The following AP4M1 variants were observed in gnomAD, a reference collection of about 807,000 sequenced individuals.
AP4M1 encodes AP-4 complex subunit mu-1.
Under a neutral mutation model 62.4 loss-of-function variants are expected in AP4M1, and 58 were observed. The observed-to-expected ratio is 0.93, with a 90% CI of 0.75 to 1.16. The LOEUF is 1.16. Among genes scored for constraint, AP4M1 ranks in the 50% most tolerant of loss-of-function variants. The probability of loss-of-function intolerance (pLI) is 0.00; values close to 1 mark genes in which losing one functional copy is unlikely to be tolerated. For missense variants in AP4M1, 626 were observed against 585.4 expected, an observed-to-expected ratio of 1.07 and a Z score of -0.72; for synonymous variants, 290 against 239.7, an observed-to-expected ratio of 1.21 and a Z score of -1.94.
At position 100,108,956 on chromosome 7, in the gene AP4M1, G is replaced by A. The variant is rs553969369; in HGVS notation, c.*2074G>A. The A allele has an allele frequency of 5.4e-4, 85 of 157,300 alleles. No individual in the cohort carries two copies. Among genetic ancestry groups the A allele is most frequent in the Middle Eastern group, 3.3e-3 (1 of 306 alleles). 9.7% of individuals were successfully genotyped at this position (157,300 alleles called of 1,614,324 possible). A position where few individuals can be genotyped will look rare whatever the true frequency, so the allele number is the denominator to read the frequency against. ...CTAGAATGCTTGAACCCAGGTGGTG[G>A]AGGCTGCAGTGAGCAGAGGTTGCAT... On this transcript the variant is annotated 3_prime_UTR_variant, in exon 15 of 15. Coordinates refer to ENST00000359593, the MANE Select transcript of AP4M1 (RefSeq NM_004722.4).
In AP4M1 at chr7:100,103,661, G is replaced by GCCGCC. The variant is rs1562907245; in HGVS notation, c.516_520dup (p.Val174AlafsTer27). The GCCGCC allele has an allele frequency of 2.5e-6, 4 of 1,613,286 alleles. No individual in the cohort carries two copies. Among genetic ancestry groups the GCCGCC allele is most frequent in the South Asian group, 1.1e-5 (1 of 91,044 alleles). On this transcript the variant is annotated frameshift_variant, in exon 6 of 15. Coordinates refer to ENST00000359593, the MANE Select transcript of AP4M1 (RefSeq NM_004722.4). LOFTEE classifies it high-confidence loss of function. The stretch of plus-strand genomic sequence containing the variant: ...AAAGTGGCCCCCAGCAGTGCAGCCA[G>GCCGCC]CCGCCCCGTCCTGTCCAGTCGCTCT...
At position 100,101,837 on chromosome 7, in the gene AP4M1, G is replaced by A. The variant is rs751792695; in HGVS notation, c.59-43G>A. 3.7e-6 allele frequency: 6 copies of A among 1,612,254 alleles called. No homozygotes were observed. In the Admixed American group the frequency reaches 6.7e-5, roughly 18 times the overall value. On this transcript the variant is annotated intron_variant, in intron 1 of 14. Coordinates refer to ENST00000359593, the MANE Select transcript of AP4M1 (RefSeq NM_004722.4). Reference sequence around the variant, plus strand: ...CGGGCGGGAGGGGCGCCCAGGGCCAGCCTGTGTCGCAGGATCCTTCACTGA... The same window carrying A: ...CGGGCGGGAGGGGCGCCCAGGGCCAACCTGTGTCGCAGGATCCTTCACTGA...
In AP4M1 at chr7:100,103,534, AGAG is replaced by A. The variant is rs762221696; in HGVS notation, c.462+20_462+22del. On this transcript the variant is annotated intron_variant, in intron 5 of 14. Coordinates refer to ENST00000359593, the MANE Select transcript of AP4M1 (RefSeq NM_004722.4). The stretch of plus-strand genomic sequence containing the variant: ...GCGTTGGCTTGGTCAGTAGAGGGAA[AGAG>A]GAGGGTGAGGAAAGAGAAGAGGGGT... 1.2e-6 allele frequency: 2 copies of A among 1,614,050 alleles called. No individual in the cohort carries two copies. Among genetic ancestry groups the A allele is most frequent in the East Asian group, 4.5e-5 (2 of 44,880 alleles).
chr7:100,106,722 G>C lies in AP4M1; in HGVS notation c.1202G>C (p.Gly401Ala). The change falls in exon 15 of 15, where the codon GGG (glycine) becomes GCG (alanine). Residue 401 changes from glycine (G) to alanine (A), a missense_variant. Gly to Ala is a moderately conservative substitution (Grantham distance 60, BLOSUM62 0). Coordinates refer to ENST00000359593, the MANE Select transcript of AP4M1 (RefSeq NM_004722.4). ...CTCTCCACCTCGGCCTCTCCTCTGG[G>C]GCTGGGCCCTGCCAGTCTCTCCTTC... ...HGLSTSASPL[G>A]LGPASLSFEL... 1.2e-6 allele frequency: 2 copies of C among 1,613,796 alleles called. No individual in the cohort carries two copies. Among genetic ancestry groups the C allele is most frequent in the Non-Finnish European group, 1.7e-6 (2 of 1,180,038 alleles).
chr7:100,102,223 A>C, intron 2 of AP4M1: 2 of 614,836 alleles, frequency 3.3e-6, no homozygotes, highest in Non-Finnish European at 5.8e-6. Flanking sequence ...TCTACTAAAA[A>C]TACAAAAAAA....
At chr7:100,101,990 G>T in intron 2 of AP4M1, 22 bp downstream of exon 2, 1 of 1,612,598 alleles carries the variant, frequency 6.2e-7, no homozygotes, top group Non-Finnish European at 8.5e-7. Flanking sequence ...CGGGAGGCGG[G>T]TGAGGAGCGG....
At chr7:100,105,597 T>C in intron 11 of AP4M1, 58 bp downstream of exon 11, 1 of 1,503,452 alleles carries the variant, frequency 6.7e-7, no homozygotes, top group Non-Finnish European at 9.2e-7. Flanking sequence ...GACCTGTATG[T>C]TCCCAAGACT....
intron 13 of AP4M1, 51 bp downstream of exon 13, chr7:100,106,342 A>G (rs1334294697): frequency 6.2e-7 from 1 of 1,612,964 alleles, no homozygotes; most frequent in Admixed American, 1.7e-5. Context: ...GAGTGAGCTC[A>G]GCATGACGGG....
At position 100,103,568 on chromosome 7, in the gene AP4M1, G is replaced by A. The variant is rs759714881; in HGVS notation, c.463-44G>A. ...TGAGGAAAGAGAAGAGGGGTTGGCT[G>A]GGGTTGTCAGACCTGATGATTGATT... On this transcript the variant is annotated intron_variant, in intron 5 of 14. Transcript: ENST00000359593. The A allele has an allele frequency of 1.9e-6, 3 of 1,613,784 alleles. No individual in the cohort carries two copies. The African/African-American group carries it at 4.0e-5, about 22-fold the overall frequency.
In AP4M1 at chr7:100,106,227, C is replaced by T. The variant is rs370610939; in HGVS notation, c.975-14C>T. 1.2e-4 allele frequency: 190 copies of T among 1,614,048 alleles called. No individual in the cohort carries two copies. The Middle Eastern group carries it at 1.3e-3, about 11-fold the overall frequency. ...GCCTTCCTGGGGCTGACTTTGTTCC[C>T]GTCTCCTCTGTAGCCAAGCCCTCAA... On this transcript the variant is annotated splice_polypyrimidine_tract_variant and intron_variant, in intron 12 of 14. Coordinates refer to ENST00000359593, the MANE Select transcript of AP4M1 (RefSeq NM_004722.4).
rs779479560 is a variant in AP4M1 at position 100,107,430 on chromosome 7, C to T, written c.*548C>T. On this transcript the variant is annotated 3_prime_UTR_variant, in exon 15 of 15. Transcript: ENST00000359593. ...AGGATGGGAGGTGGGGCCTCCTTTGCCCTCCCCTGTTGGGGGAAGTGAGAC... is the reference window on the plus strand; with the variant it reads ...AGGATGGGAGGTGGGGCCTCCTTTGTCCTCCCCTGTTGGGGGAAGTGAGAC... The T allele has an allele frequency of 6.2e-7, 1 of 1,610,808 alleles. No individual in the cohort carries two copies. Among genetic ancestry groups the T allele is most frequent in the Non-Finnish European group, 8.5e-7 (1 of 1,177,746 alleles).
chr7:100,104,188 C>G (rs754725201), intron 7 of AP4M1, 34 bp downstream of exon 7: 2 of 1,589,848 alleles, frequency 1.3e-6, no homozygotes, highest in African/African-American at 2.7e-5. Flanking sequence ...GAGCTGAGGA[C>G]AGATGGGACT....
In AP4M1 at chr7:100,108,167, G is replaced by A; in HGVS notation, c.*1285G>A. 20 of 1,550,802 alleles carry A rather than the reference G, an allele frequency of 1.3e-5. No homozygotes were observed. Among genetic ancestry groups the A allele is most frequent in the Non-Finnish European group, 1.7e-5 (20 of 1,150,698 alleles). Reference sequence around the variant, plus strand: ...AGGGGGAAGTGGCACCATCTACTAAGAAGAGGAGTCTGAAGGGAGAGGCCT... The same window carrying A: ...AGGGGGAAGTGGCACCATCTACTAAAAAGAGGAGTCTGAAGGGAGAGGCCT... On this transcript the variant is annotated 3_prime_UTR_variant, in exon 15 of 15. Transcript: ENST00000359593.
rs150400480 is a variant in AP4M1, at chr7:100,102,771, C to G, written c.244C>G (p.Leu82Val). Residue 82 changes from leucine to valine, a missense_variant, in exon 3 of 15, where the codon CTG becomes GTG. Coordinates refer to ENST00000359593, the MANE Select transcript of AP4M1 (RefSeq NM_004722.4). Reference sequence around the variant, plus strand: ...CGTTTCTCCCTTCAGCCTCCTAGAACTGCTCTCCAGGTGAGGAGGGTTGGG... The same window carrying G: ...CGTTTCTCCCTTCAGCCTCCTAGAAGTGCTCTCCAGGTGAGGAGGGTTGGG... Reference protein sequence around the residue: ...ENVSPFSLLELLSRLATLLGD... With the variant: ...ENVSPFSLLEVLSRLATLLGD... 121 of 1,613,918 alleles carry G rather than the reference C, an allele frequency of 7.5e-5. No homozygotes were observed. Among genetic ancestry groups the G allele is most frequent in the Non-Finnish European group, 1.0e-4 (118 of 1,179,912 alleles).
In AP4M1 at chr7:100,108,128, G is replaced by T. The variant is rs200377684; in HGVS notation, c.*1246G>T. The T allele has an allele frequency of 6.3e-7, 1 of 1,589,162 alleles. No homozygotes were observed. Among genetic ancestry groups the T allele is most frequent in the Non-Finnish European group, 8.5e-7 (1 of 1,171,254 alleles). Reference sequence around the variant, plus strand: ...GAGGGTCAGCGTGGGCCGGGGCTGCGGGGAGAAGAGGAAAGGGGGAAGTGG... The same window carrying T: ...GAGGGTCAGCGTGGGCCGGGGCTGCTGGGAGAAGAGGAAAGGGGGAAGTGG... On this transcript the variant is annotated 3_prime_UTR_variant, in exon 15 of 15. Transcript: ENST00000359593.
In AP4M1 at chr7:100,108,261, C is replaced by T. The variant is rs949465818; in HGVS notation, c.*1379C>T. 1.6e-5 allele frequency: 24 copies of T among 1,475,244 alleles called. No individual in the cohort carries two copies. In the African/African-American group the frequency reaches 3.1e-4, roughly 19 times the overall value. 91.4% of individuals were successfully genotyped at this position (1,475,244 alleles called of 1,614,324 possible). On this transcript the variant is annotated 3_prime_UTR_variant, in exon 15 of 15. Coordinates refer to ENST00000359593, the MANE Select transcript of AP4M1 (RefSeq NM_004722.4). ...GCATCCTCACTCAGGGCCTGGTTGC[C>T]CTGAGACTACTGACTGAGGGCACAT...
In AP4M1 at chr7:100,108,340, A is replaced by G. The variant is rs202235697; in HGVS notation, c.*1458A>G. ...CAGGGGTTCTCCTCTGCTTCCTCCT[A>G]TTCCTCCTCCCCACCCGGCCACGGA... On this transcript the variant is annotated 3_prime_UTR_variant, in exon 15 of 15. Transcript: ENST00000359593. 2.7e-5 allele frequency: 43 copies of G among 1,581,568 alleles called. No individual in the cohort carries two copies. The highest frequency in any genetic ancestry group is 3.5e-5 in the Admixed American group (2 of 57,310).
Position 100,108,753 on chromosome 7 carries a change from G to A in AP4M1, c.*1871G>A, listed in dbSNP as rs1448372744. The A allele has an allele frequency of 1.2e-5, 6 of 484,652 alleles. No individual in the cohort carries two copies. In the East Asian group the frequency reaches 1.4e-4, roughly 11 times the overall value. The allele number at this position is 484,652 out of a possible 1,614,324, so 30.0% of individuals were successfully genotyped here. On this transcript the variant is annotated 3_prime_UTR_variant, in exon 15 of 15. Transcript: ENST00000359593. ...CTTTCTCATAAGAAAAGATGGGCAC[G>A]GGGCCAGGTGCAGCATCTTAGGCCT...
In AP4M1 at chr7:100,107,617, A is replaced by G. The variant is rs777399023; in HGVS notation, c.*735A>G. The G allele has an allele frequency of 8.7e-6, 14 of 1,612,662 alleles. No individual in the cohort carries two copies. The highest frequency in any genetic ancestry group is 1.2e-5 in the Non-Finnish European group (14 of 1,179,624). On this transcript the variant is annotated 3_prime_UTR_variant, in exon 15 of 15. Coordinates refer to ENST00000359593, the MANE Select transcript of AP4M1 (RefSeq NM_004722.4). ...GAGCCGGGGGCCGAGGTGCTGAGGGACAGGACCTGGATAGAAAGGAAAGGC... is the reference window on the plus strand; with the variant it reads ...GAGCCGGGGGCCGAGGTGCTGAGGGGCAGGACCTGGATAGAAAGGAAAGGC...
Sources: gnomAD v4.1 joint callset for allele counts on GRCh38, gnomAD v4.1.1 for gene constraint, MANE v1.5 for transcripts, NCBI Gene and HGNC (gene_info 2026-07-23, HGNC 2026-07-21) for gene names.